Variants in PPP6C observed in about 807,000 individuals in gnomAD.
PPP6C encodes the protein protein phosphatase 6 catalytic subunit.
In PPP6C, 11 loss-of-function variants were observed where a neutral mutation model predicts 39.8. The observed-to-expected ratio is 0.28, with a 90% CI of 0.17 to 0.46. The LOEUF is 0.46. Among genes scored for constraint, PPP6C ranks in the 20% least tolerant of loss-of-function variants. The pLI is 1.00. For synonymous variants in PPP6C, 129 were observed against 130.3 expected (o/e 0.99, Z 0.07); for missense variants, 211 against 373.9 (o/e 0.56, Z 3.59).
At chr9:125,174,176 A>C (rs767470221) in intron 1 of PPP6C, among the ~76,000 whole-genome samples, 2 of 152,132 alleles carry the variant, frequency 1.3e-5, no homozygotes, top group African/African-American at 2.4e-5. Flanking sequence ...GAGAAATTAA[A>C]CTAACAAGCA....
intron 2 of PPP6C, among the ~76,000 whole-genome samples, chr9:125,164,774 T>C (rs577100175): frequency 6.6e-6 from 1 of 152,262 alleles, no homozygotes; most frequent in Non-Finnish European, 1.5e-5. Flanking sequence ...AGTCTCGCTC[T>C]GTCACCCAGA....
In PPP6C at chr9:125,187,760, C is replaced by T. The variant is rs547046478; in HGVS notation, c.75+1884G>A. Among the ~76,000 whole-genome samples, 37 of 151,956 alleles carry T rather than the reference C, an allele frequency of 2.4e-4. 2 individuals are homozygous for T. The highest frequency in any genetic ancestry group is 8.7e-4 in the African/African-American group (36 of 41,292). On this transcript the variant is annotated intron_variant, in intron 1 of 6. Coordinates refer to ENST00000373547, the MANE Select transcript of PPP6C (RefSeq NM_002721.5). Reference sequence around the variant, plus strand: ...GTTTTCCATGAATTGGGTCCCAATGCTAGTTGTATTCTTATTCCCTTAAAA... The same window carrying T: ...GTTTTCCATGAATTGGGTCCCAATGTTAGTTGTATTCTTATTCCCTTAAAA...
Position 125,189,778 on chromosome 9 carries a change from G to A in PPP6C, c.-60C>T. The A allele has an allele frequency of 1.3e-6, 2 of 1,533,894 alleles. No homozygotes were observed. Among genetic ancestry groups the A allele is most frequent in the Non-Finnish European group, 1.8e-6 (2 of 1,141,716 alleles). Reference sequence around the variant, plus strand: ...GGCGGCTGTAGCAGCGGCGGCGGCAGCGGCGGAGGCCGAAGCCGGAACTTT... The same window carrying A: ...GGCGGCTGTAGCAGCGGCGGCGGCAACGGCGGAGGCCGAAGCCGGAACTTT... On this transcript the variant is annotated 5_prime_UTR_variant, in exon 1 of 7. Coordinates refer to ENST00000373547, the MANE Select transcript of PPP6C (RefSeq NM_002721.5).
chr9:125,166,545 T>TA (rs1226392258), intron 2 of PPP6C, among the ~76,000 whole-genome samples: 1 of 151,162 alleles, frequency 6.6e-6, no homozygotes, highest in African/African-American at 2.4e-5. Context: ...CTTTTTTTTT[T>TA]TTTTTTTAGC....
In PPP6C at chr9:125,189,746, C is replaced by A. The variant is rs932146611; in HGVS notation, c.-28G>T. The A allele has an allele frequency of 6.2e-6, 9 of 1,446,448 alleles. No individual in the cohort carries two copies. The highest frequency in any genetic ancestry group is 8.3e-6 in the Non-Finnish European group (9 of 1,085,194). 89.6% of individuals were successfully genotyped at this position (1,446,448 alleles called of 1,614,324 possible). A position where few individuals can be genotyped will look rare whatever the true frequency, so the allele number is the denominator to read the frequency against. On this transcript the variant is annotated 5_prime_UTR_variant, in exon 1 of 7. Transcript: ENST00000373547. ...TAAGAATAACAAGCCGCGGCAACAG[C>A]GGCGGCGGCGGCTGTAGCAGCGGCG...
intron 1 of PPP6C, among the ~76,000 whole-genome samples, chr9:125,171,664 C>T (rs1306488342): frequency 6.6e-6 from 1 of 151,216 alleles, no homozygotes; most frequent in Non-Finnish European, 1.5e-5. Context: ...AGCAATTTTC[C>T]TGCCTCAGCC....
intron 1 of PPP6C, among the ~76,000 whole-genome samples, chr9:125,180,243 G>A (rs1044068806): frequency 1.9e-4 from 29 of 152,198 alleles, no homozygotes; most frequent in African/African-American, 6.7e-4. Context: ...GTGGATAGAC[G>A]GCTGTCTTTC....
chr9:125,169,206 T>C (rs1290392294), intron 2 of PPP6C, among the ~76,000 whole-genome samples: 10 of 152,222 alleles, frequency 6.6e-5, no homozygotes. Flanking sequence ...GCTATTTCTC[T>C]TCAATCTTTC....
At chr9:125,163,578 G>A (rs1404785845) in intron 2 of PPP6C, among the ~76,000 whole-genome samples, 9 of 150,884 alleles carry the variant, frequency 6.0e-5, no homozygotes, top group Non-Finnish European at 7.4e-5. Context: ...TTACAGGCGC[G>A]TGCCAACAGC....
At chr9:125,186,494 C>G (rs1829532982) in intron 1 of PPP6C, among the ~76,000 whole-genome samples, 1 of 151,838 alleles carries the variant, frequency 6.6e-6, no homozygotes, top group Non-Finnish European at 1.5e-5. Flanking sequence ...GCCTGTTATC[C>G]CAGCATTTTG....
chr9:125,179,145 G>A (rs1247458843), intron 1 of PPP6C, among the ~76,000 whole-genome samples: 5 of 150,522 alleles, frequency 3.3e-5, no homozygotes, highest in Middle Eastern at 3.5e-3. Flanking sequence ...AATGCGGGAG[G>A]CAGAGGTTGC....
intron 2 of PPP6C, among the ~76,000 whole-genome samples, chr9:125,166,922 T>C (rs148034685): frequency 6.6e-6 from 1 of 150,986 alleles, no homozygotes; most frequent in East Asian, 2.0e-4. Context: ...TCTTTTTAGA[T>C]GGGGTCTCAC....
chr9:125,156,716 T>C (rs1836084137), intron 4 of PPP6C, among the ~76,000 whole-genome samples: 1 of 151,984 alleles, frequency 6.6e-6, no homozygotes, highest in African/African-American at 2.4e-5. Context: ...ACAGTTCTAT[T>C]TCCCTGAAGG....
chr9:125,179,058 A>C (rs1032041018), intron 1 of PPP6C, among the ~76,000 whole-genome samples: 3 of 152,080 alleles, frequency 2.0e-5, no homozygotes, highest in African/African-American at 7.2e-5. Flanking sequence ...CTACTAAAAA[A>C]TACAAAATTA....
At chr9:125,159,171 T>C (rs1057506496) in intron 3 of PPP6C, among the ~76,000 whole-genome samples, 3 of 151,022 alleles carry the variant, frequency 2.0e-5, no homozygotes, top group Non-Finnish European at 4.4e-5. Flanking sequence ...CCTGAGTAGC[T>C]GGGATTACAG....
At chr9:125,165,907 A>T (rs1018404064) in intron 2 of PPP6C, among the ~76,000 whole-genome samples, 1 of 148,876 alleles carries the variant, frequency 6.7e-6, no homozygotes. Context: ...AGCAATTCTC[A>T]TGCCTCAGCC....
chr9:125,187,272 G>A (rs1406060340), intron 1 of PPP6C, among the ~76,000 whole-genome samples: 1 of 150,902 alleles, frequency 6.6e-6, no homozygotes, highest in Non-Finnish European at 1.5e-5. Context: ...TCATTTCAGT[G>A]CCCAATTTCC....
intron 2 of PPP6C, among the ~76,000 whole-genome samples, chr9:125,163,493 C>A (rs144093380): frequency 6.6e-6 from 1 of 152,128 alleles, no homozygotes; most frequent in South Asian, 2.1e-4. Context: ...TGCAATGGTG[C>A]GATCTCGGCT....
chr9:125,178,428 CTTAT>C (rs142444503), intron 1 of PPP6C, among the ~76,000 whole-genome samples: 21,657 of 152,012 alleles, frequency 0.14, 1,616 homozygotes, highest in East Asian at 0.23. Context: ...TTTTCATACG[CTTAT>C]TTGTCATCAC....
Sources: gnomAD v4.1 joint callset for allele counts (sites outside exome capture counted in the v4.1 genomes callset) on GRCh38, gnomAD v4.1.1 for gene constraint, MANE v1.5 for transcripts, NCBI Gene and HGNC (gene_info 2026-07-23, HGNC 2026-07-21) for gene names.